BRWD3: variants seen among roughly 807,000 people sequenced by gnomAD.
The protein encoded by BRWD3 is bromodomain and WD repeat domain containing 3.
A neutral mutation model predicts 149.7 loss-of-function variants in BRWD3; 10 were observed. The ratio of observed to expected loss-of-function variants is 0.07; its 90% confidence interval spans 0.04 to 0.11. BRWD3 has a LOEUF of 0.11. Among genes scored for constraint, BRWD3 ranks in the 10% least tolerant of loss-of-function variants. The probability of loss-of-function intolerance (pLI) is 1.00; values close to 1 mark genes in which losing one functional copy is unlikely to be tolerated. For synonymous variants in BRWD3, 504 were observed against 456.7 expected, an observed-to-expected ratio of 1.10 and a Z score of -1.32; for missense variants, 940 against 1,373.2, an observed-to-expected ratio of 0.68 and a Z score of 4.99.
chrX:80,712,598 G>A (rs2072993728), intron 20 of BRWD3, among the ~76,000 whole-genome samples: 1 of 110,122 alleles, frequency 9.1e-6, no homozygotes, highest in Admixed American at 9.5e-5. Context: ...GAGCGTCTCT[G>A]CCTGGCTGCC....
intron 6 of BRWD3, among the ~76,000 whole-genome samples, chrX:80,774,197 T>C (rs553537814): frequency 4.5e-5 from 5 of 111,975 alleles, no homozygotes; most frequent in South Asian, 3.7e-4. Context: ...TATATATTTT[T>C]GTTCTATCCT....
chrX:80,693,414 T>A (rs2072638806), intron 27 of BRWD3, among the ~76,000 whole-genome samples: 1 of 112,325 alleles, frequency 8.9e-6, no homozygotes, highest in South Asian at 3.7e-4. Context: ...TTTAAAAATC[T>A]CTTCATACTA....
In BRWD3 at chrX:80,704,721, G is replaced by A. The variant is rs1447650667; in HGVS notation, c.2678C>T (p.Ser893Phe). The A allele has an allele frequency of 7.0e-5, 85 of 1,209,443 alleles. No homozygotes were observed. Among genetic ancestry groups the A allele is most frequent in the Non-Finnish European group, 9.2e-5 (82 of 894,761 alleles). ...CSSSDEENLK[S>F]LEERQKKPKQ... ...AGGTTTCTTCTGCCTTTCTTCTAGG[G>A]ACTTCAAATTTTCCTCATCAGAGCT... is the stretch of plus-strand genomic sequence containing the variant. The change falls in exon 23 of 41, where the codon TCC becomes TTC. Residue 893 changes from serine to phenylalanine, a missense_variant. By Grantham distance (155) the Ser-to-Phe change is radical (BLOSUM62 -2). Coordinates refer to ENST00000373275, the MANE Select transcript of BRWD3 (RefSeq NM_153252.5).
At chrX:80,712,077 T>G (rs1393959600) in intron 20 of BRWD3, among the ~76,000 whole-genome samples, 1 of 111,713 alleles carries the variant, frequency 9.0e-6, no homozygotes, top group African/African-American at 3.3e-5. Context: ...TAGAATAAAT[T>G]TAGTCCAATC....
chrX:80,697,173 A>G (rs1033615260), intron 25 of BRWD3, among the ~76,000 whole-genome samples: 1 of 111,083 alleles, frequency 9.0e-6, no homozygotes, highest in African/African-American at 3.3e-5. Context: ...TCTATTTTGG[A>G]AAAACTCCCT....
At position 80,809,594 on chromosome X, in the gene BRWD3, C is replaced by T; in HGVS notation, c.-123G>A. 2.1e-6 allele frequency: 1 copy of T among 468,925 alleles called. No individual in the cohort carries two copies. Among genetic ancestry groups the T allele is most frequent in the Non-Finnish European group, 3.7e-6 (1 of 266,982 alleles). The allele number at this position is 468,925 out of a possible 1,213,427, so 38.6% of individuals were successfully genotyped here. A position where few individuals can be genotyped will look rare whatever the true frequency, so the allele number is the denominator to read the frequency against. On this transcript the variant is annotated 5_prime_UTR_variant, in exon 1 of 41. Transcript: ENST00000373275. ...GTCCCGCCGCTTCCGCCGCACTCCT[C>T]GTCCTAGTTTCGCTCTCTCTCGAAT...
At chrX:80,681,544 T>G in intron 39 of BRWD3, 45 bp from the exon 40 acceptor site, 1 of 1,075,887 alleles carries the variant, frequency 9.3e-7, no homozygotes, top group South Asian at 1.9e-5. Context: ...TATCATGTTT[T>G]CAGGAAAGTT....
intron 2 of BRWD3, 26 bp downstream of exon 2, chrX:80,809,220 C>G (rs2074383892): frequency 2.5e-6 from 3 of 1,187,286 alleles, no homozygotes; most frequent in South Asian, 3.7e-5. Context: ...TTCACCACGA[C>G]TCCCAGATCT....
chrX:80,713,376 G>C (rs758952494), intron 20 of BRWD3, among the ~76,000 whole-genome samples: 1 of 112,295 alleles, frequency 8.9e-6, no homozygotes, highest in East Asian at 2.8e-4. Flanking sequence ...GGATCCTGTT[G>C]ATCTATGACC....
At chrX:80,740,910 ATTCT>A (rs199783122) in intron 8 of BRWD3, among the ~76,000 whole-genome samples, 5,458 of 111,589 alleles carry the variant, frequency 0.049, 114 homozygotes, top group Non-Finnish European at 0.069. Context: ...ACCTGTTTAT[ATTCT>A]TTTTTTAAAT....
chrX:80,784,958 TCA>T (rs2074094144), intron 6 of BRWD3, among the ~76,000 whole-genome samples: 2 of 112,027 alleles, frequency 1.8e-5, no homozygotes, highest in South Asian at 7.4e-4. Context: ...TGAGGAATCA[TCA>T]CAGTCTTCCA....
intron 20 of BRWD3, chrX:80,710,293 A>T: frequency 1.2e-5 from 4 of 344,831 alleles, no homozygotes; most frequent in Non-Finnish European, 2.2e-5. Context: ...ATGGCTGGAG[A>T]CCATATGGTG....
chrX:80,712,990 C>T (rs1201907224), intron 20 of BRWD3, among the ~76,000 whole-genome samples: 4 of 109,509 alleles, frequency 3.7e-5, no homozygotes, highest in African/African-American at 6.7e-5. Flanking sequence ...CGTCTCCGCC[C>T]GGCAGCCACC....
chrX:80,693,631 G>C (rs2147696392), intron 27 of BRWD3, among the ~76,000 whole-genome samples: 1 of 111,843 alleles, frequency 8.9e-6, no homozygotes, highest in African/African-American at 3.2e-5. Flanking sequence ...CTATAATAAA[G>C]ACACTGGCAG....
chrX:80,740,698 G>A lies in BRWD3; in HGVS notation c.813+3334C>T, dbSNP rs753193604. On this transcript the variant is annotated intron_variant, in intron 8 of 40. Coordinates refer to ENST00000373275, the MANE Select transcript of BRWD3 (RefSeq NM_153252.5). ...TGGGAGGTGGAGGCTGCAGTGAGCC[G>A]AGATCCCACCACTGCACTCCAGCAT... Among the ~76,000 whole-genome samples the A allele has an allele frequency of 3.2e-4, 35 of 110,344 alleles. No homozygotes were observed. The Middle Eastern group carries it at 0.019, about 59-fold the overall frequency.
chrX:80,697,537 AC>A lies in BRWD3; in HGVS notation c.2944-675del, dbSNP rs749935506. Among the ~76,000 whole-genome samples, 4 of 110,843 alleles carry A rather than the reference AC, an allele frequency of 3.6e-5. No homozygotes were observed. In the Admixed American group the frequency reaches 3.8e-4, roughly 11 times the overall value. On this transcript the variant is annotated intron_variant, in intron 25 of 40. Coordinates refer to ENST00000373275, the MANE Select transcript of BRWD3 (RefSeq NM_153252.5). ...TCCATCTACATGTCCAGTTGTACCA[AC>A]TGTTTAGTACCCATTTGTAAGAGAG...
At position 80,769,934 on chromosome X, in the gene BRWD3, C is replaced by T. The variant is rs1354673897; in HGVS notation, c.430+21920G>A. Among the ~76,000 whole-genome samples the T allele has an allele frequency of 2.7e-5, 3 of 111,469 alleles. No individual in the cohort carries two copies. In the Admixed American group the frequency reaches 2.9e-4, roughly 11 times the overall value. ...AAAGGGGATATCACCACTGATCCCA[C>T]AGAAATACAAACTACTATCAGAGAA... On this transcript the variant is annotated intron_variant, in intron 6 of 40. Transcript: ENST00000373275.
intron 6 of BRWD3, among the ~76,000 whole-genome samples, chrX:80,770,020 C>T (rs750143811): frequency 3.6e-5 from 4 of 111,264 alleles, no homozygotes; most frequent in South Asian, 7.5e-4. Flanking sequence ...ATAAATTCCT[C>T]GACACATACA....
At chrX:80,722,510 A>G (rs2073165268) in intron 17 of BRWD3, 52 bp downstream of exon 17, 21 of 1,080,111 alleles carry the variant, frequency 1.9e-5, no homozygotes, top group Non-Finnish European at 2.7e-5. Context: ...GAACAGCAGT[A>G]ATGTATAACA....
Sources: allele counts gnomAD v4.1 joint callset (sites outside exome capture counted in the v4.1 genomes callset), GRCh38; gene constraint gnomAD v4.1.1; transcripts MANE v1.5; gene names NCBI Gene and HGNC (gene_info 2026-07-23, HGNC 2026-07-21).